CADM2: variants seen among roughly 807,000 people sequenced by gnomAD.
CADM2 encodes immunoglobulin superfamily member 4D.
A neutral mutation model predicts 49.8 loss-of-function variants in CADM2; 12 were observed. The ratio of observed to expected loss-of-function variants is 0.24; its 90% CI spans 0.15 to 0.39. The LOEUF (loss-of-function observed/expected upper bound fraction) is 0.39, where lower values mean the gene tolerates loss of function less well. CADM2 is among the 10% of genes least tolerant of loss of function. The pLI, the probability that CADM2 is intolerant of heterozygous loss-of-function variation, is 1.00. For synonymous variants in CADM2, 214 were observed against 175.4 expected (o/e 1.22, Z -1.74); for missense variants, 378 against 492.3 (o/e 0.77, Z 2.20).
intron 1 of CADM2, among the ~76,000 whole-genome samples, chr3:85,552,765 C>A (rs2061844595): frequency 6.6e-6 from 1 of 151,952 alleles, no homozygotes; most frequent in Admixed American, 6.6e-5. Context: ...CAACCTCTGC[C>A]TCCCGGGTTC....
At chr3:85,135,546 A>T (rs115272992) in intron 1 of CADM2, among the ~76,000 whole-genome samples, 3 of 152,114 alleles carry the variant, frequency 2.0e-5, no homozygotes, top group Non-Finnish European at 4.4e-5. Context: ...CATTGTAATC[A>T]GAAATTACAG....
Position 86,070,935 on chromosome 3 carries a change from T to C in CADM2, c.*4152T>C, listed in dbSNP as rs533535497. ...ACTCAGTGCAATATCTGCAGTTCTA[T>C]TGCTGGATACTTAATGCAAAGGGAT... On this transcript the variant is annotated 3_prime_UTR_variant, in exon 10 of 10. Transcript: ENST00000383699. 27 of 152,062 alleles carry C rather than the reference T, an allele frequency of 1.8e-4. No homozygotes were observed. Among genetic ancestry groups the C allele is most frequent in the Admixed American group, 8.5e-4 (13 of 15,266 alleles). The allele number at this position is 152,062 out of a possible 1,614,324, so 9.4% of individuals were successfully genotyped here. A position where few individuals can be genotyped will look rare whatever the true frequency, so the allele number is the denominator to read the frequency against.
At chr3:85,866,067 G>A (rs1029595246) in intron 3 of CADM2, among the ~76,000 whole-genome samples, 17 of 152,128 alleles carry the variant, frequency 1.1e-4, no homozygotes, top group Admixed American at 1.3e-4. Context: ...GAACCCAGGA[G>A]ACAGAGGTTG....
At chr3:85,282,870 T>A (rs984850591) in intron 1 of CADM2, among the ~76,000 whole-genome samples, 5 of 152,108 alleles carry the variant, frequency 3.3e-5, no homozygotes, top group Admixed American at 6.6e-5. Context: ...ATACATTGTA[T>A]GCTTAAAAAT....
chr3:85,345,006 C>A (rs1297511590), intron 1 of CADM2, among the ~76,000 whole-genome samples: 6 of 152,052 alleles, frequency 3.9e-5, no homozygotes, highest in Non-Finnish European at 7.4e-5. Context: ...TCATATATAT[C>A]AAGCATGATG....
chr3:85,916,173 CT>C (rs1202117960), intron 6 of CADM2, among the ~76,000 whole-genome samples: 1 of 151,852 alleles, frequency 6.6e-6, no homozygotes, highest in African/African-American at 2.4e-5. Flanking sequence ...AGAGAGTTCT[CT>C]TTTTTTATTA....
chr3:85,885,339 C>A (rs920057561), intron 4 of CADM2, among the ~76,000 whole-genome samples: 1 of 146,390 alleles, frequency 6.8e-6, no homozygotes, highest in Non-Finnish European at 1.5e-5. Context: ...GAGTTTGAGA[C>A]CAGCCCGGCC....
chr3:85,021,413 C>T (rs921729660), intron 1 of CADM2, among the ~76,000 whole-genome samples: 2 of 152,134 alleles, frequency 1.3e-5, no homozygotes, highest in Non-Finnish European at 2.9e-5. Flanking sequence ...CAGGCATTAT[C>T]TAACAAGCCT....
chr3:85,921,913 A>G (rs2108505314), intron 6 of CADM2, among the ~76,000 whole-genome samples: 1 of 152,236 alleles, frequency 6.6e-6, no homozygotes, highest in East Asian at 1.9e-4. Context: ...AGAATGTCAT[A>G]TAATGGGAAT....
intron 8 of CADM2, among the ~76,000 whole-genome samples, chr3:86,032,453 A>C (rs1413493038): frequency 6.6e-6 from 1 of 151,926 alleles, no homozygotes. Context: ...AAAATGTATC[A>C]GAAAGCAATA....
At chr3:85,920,092 T>C (rs1191347459) in intron 6 of CADM2, among the ~76,000 whole-genome samples, 1 of 151,898 alleles carries the variant, frequency 6.6e-6, no homozygotes, top group Non-Finnish European at 1.5e-5. Context: ...CCTATGTTAG[T>C]TATATTCTCT....
At chr3:84,972,358 T>G (rs546913108) in intron 1 of CADM2, among the ~76,000 whole-genome samples, 1 of 152,366 alleles carries the variant, frequency 6.6e-6, no homozygotes, top group East Asian at 1.9e-4. Context: ...AATTTAACTT[T>G]TTATATCCAT....
chr3:85,620,613 C>G (rs906313899), intron 1 of CADM2, among the ~76,000 whole-genome samples: 1 of 151,940 alleles, frequency 6.6e-6, no homozygotes, highest in Non-Finnish European at 1.5e-5. Flanking sequence ...TAGTTACAGA[C>G]AGTATTTTTA....
chr3:85,829,582 C>T (rs2074089103), intron 3 of CADM2, among the ~76,000 whole-genome samples: 1 of 151,964 alleles, frequency 6.6e-6, no homozygotes, highest in Non-Finnish European at 1.5e-5. Flanking sequence ...TTAATTAACA[C>T]ATCCATTTCC....
rs896873922 is a variant in CADM2, at chr3:85,134,166, G to A, written c.61+174498G>A. Among the ~76,000 whole-genome samples, 5 of 152,338 alleles carry A rather than the reference G, an allele frequency of 3.3e-5. No homozygotes were observed. The South Asian group carries it at 6.2e-4, about 19-fold the overall frequency. ...GCCGGCTGCTCTGAGTGCGGGGTCC[G>A]CCAAGCCCACGCCCACCCGGAACTC... is the stretch of plus-strand genomic sequence containing the variant. On this transcript the variant is annotated intron_variant, in intron 1 of 9. Coordinates refer to ENST00000383699, the MANE Select transcript of CADM2 (RefSeq NM_001167675.2).
intron 2 of CADM2, among the ~76,000 whole-genome samples, chr3:85,765,725 C>A (rs1559641411): frequency 6.6e-6 from 1 of 151,802 alleles, no homozygotes; most frequent in East Asian, 1.9e-4. Context: ...TTGATTTTTT[C>A]ATTTCTCTCC....
chr3:85,620,911 T>A (rs1046813857), intron 1 of CADM2, among the ~76,000 whole-genome samples: 6 of 152,128 alleles, frequency 3.9e-5, no homozygotes, highest in African/African-American at 1.4e-4. Flanking sequence ...GACAGTCAAT[T>A]TTTTTGGAAT....
intron 1 of CADM2, among the ~76,000 whole-genome samples, chr3:85,569,916 G>A (rs931591684): frequency 6.6e-6 from 1 of 152,058 alleles, no homozygotes; most frequent in African/African-American, 2.4e-5. Context: ...TGGCAAAGCA[G>A]AACTGGCTGA....
intron 1 of CADM2, among the ~76,000 whole-genome samples, chr3:85,084,402 A>T (rs2037293470): frequency 6.6e-6 from 1 of 152,192 alleles, no homozygotes; most frequent in Admixed American, 6.5e-5. Context: ...AGGGTCTTTC[A>T]GATCCAATTA....
Sources: allele counts gnomAD v4.1 joint callset (sites outside exome capture counted in the v4.1 genomes callset), GRCh38; gene constraint gnomAD v4.1.1; transcripts MANE v1.5; gene names NCBI Gene and HGNC (gene_info 2026-07-23, HGNC 2026-07-21).